Variants in KCNIP4 observed in about 807,000 individuals in gnomAD.
The protein encoded by KCNIP4 is potassium voltage-gated channel interacting protein 4.
Under a neutral mutation model 34.0 loss-of-function variants are expected in KCNIP4, and 12 were observed. The observed-to-expected ratio is 0.35, with a 90% confidence interval of 0.23 to 0.57. The LOEUF is 0.57. Among genes scored for constraint, KCNIP4 ranks in the 20% least tolerant of loss-of-function variants. The pLI is 0.83. For synonymous variants in KCNIP4, 124 were observed against 102.2 expected, an observed-to-expected ratio of 1.21 and a Z score of -1.29; for missense variants, 238 against 311.7, an observed-to-expected ratio of 0.76 and a Z score of 1.78.
chr4:21,138,852 C>A (rs551908544), intron 1 of KCNIP4, among the ~76,000 whole-genome samples: 1 of 152,090 alleles, frequency 6.6e-6, no homozygotes, highest in Non-Finnish European at 1.5e-5. Context: ...GGCAGGAGTG[C>A]GGGCAGCCTG....
intron 1 of KCNIP4, among the ~76,000 whole-genome samples, chr4:21,771,886 C>A (rs1033647142): frequency 1.3e-5 from 2 of 152,124 alleles, no homozygotes; most frequent in Non-Finnish European, 2.9e-5. Context: ...ATATTGACCT[C>A]TTCTCTTCCT....
chr4:21,865,398 G>A (rs150567329), intron 1 of KCNIP4, among the ~76,000 whole-genome samples: 2 of 151,120 alleles, frequency 1.3e-5, no homozygotes, highest in African/African-American at 4.8e-5. Flanking sequence ...GAACAAGACA[G>A]GATAGGACAA....
At chr4:21,307,492 TTTA>T (rs1288777648) in intron 1 of KCNIP4, among the ~76,000 whole-genome samples, 6 of 152,160 alleles carry the variant, frequency 3.9e-5, no homozygotes, top group Non-Finnish European at 7.3e-5. Flanking sequence ...TGTATATTTG[TTTA>T]TTAAGTGTCT....
chr4:20,835,651 G>C (rs1340627543), intron 3 of KCNIP4, among the ~76,000 whole-genome samples: 1 of 151,802 alleles, frequency 6.6e-6, no homozygotes, highest in African/African-American at 2.4e-5. Flanking sequence ...TGTATTTTCA[G>C]CCCCAAACAC....
rs562587671 is a variant in KCNIP4, at chr4:21,479,875, C to T, written c.61+468696G>A. The stretch of plus-strand genomic sequence containing the variant: ...GCCAGTTATTTGAAATTATCAATAA[C>T]AAAAATGAATAGTTTTAGGCACGAG... On this transcript the variant is annotated intron_variant, in intron 1 of 8. Coordinates refer to ENST00000382152, the MANE Select transcript of KCNIP4 (RefSeq NM_025221.6). Among the ~76,000 whole-genome samples the T allele has an allele frequency of 9.9e-5, 15 of 151,350 alleles. No homozygotes were observed. In the East Asian group the frequency reaches 2.9e-3, roughly 29 times the overall value.
intron 1 of KCNIP4, among the ~76,000 whole-genome samples, chr4:21,725,054 T>A (rs7375384): frequency 6.6e-6 from 1 of 151,912 alleles, no homozygotes; most frequent in Non-Finnish European, 1.5e-5. Flanking sequence ...ATTTAATCAG[T>A]CTGACTTTGC....
intron 1 of KCNIP4, among the ~76,000 whole-genome samples, chr4:21,882,860 T>A (rs1726536339): frequency 1.3e-5 from 2 of 152,118 alleles, no homozygotes; most frequent in Admixed American, 6.6e-5. Context: ...AACCAGACAT[T>A]GCCATGTGAG....
chr4:21,912,635 C>T (rs1247612345), intron 1 of KCNIP4, among the ~76,000 whole-genome samples: 1 of 151,980 alleles, frequency 6.6e-6, no homozygotes, highest in Non-Finnish European at 1.5e-5. Flanking sequence ...GATCTGGAAA[C>T]ACAGAATGAG....
intron 1 of KCNIP4, among the ~76,000 whole-genome samples, chr4:20,887,047 T>G (rs1014587074): frequency 4.6e-5 from 7 of 151,918 alleles, no homozygotes; most frequent in Non-Finnish European, 8.8e-5. Flanking sequence ...AAGAAAAAAG[T>G]TCAGAAGAGA....
intron 1 of KCNIP4, among the ~76,000 whole-genome samples, chr4:21,097,408 C>A (rs2109059423): frequency 6.6e-6 from 1 of 152,182 alleles, no homozygotes; most frequent in Non-Finnish European, 1.5e-5. Context: ...GCAGATACCA[C>A]ATTTTTTTTA....
At chr4:20,951,857 G>A (rs1242347673) in intron 1 of KCNIP4, among the ~76,000 whole-genome samples, 1 of 152,146 alleles carries the variant, frequency 6.6e-6, no homozygotes, top group Non-Finnish European at 1.5e-5. Flanking sequence ...GTATTCTAAA[G>A]GGCCCAGGAT....
rs115704079 is a variant in KCNIP4, at chr4:21,298,365, T to C, written c.62-415656A>G. 2.7e-3 allele frequency among the ~76,000 whole-genome samples: 409 copies of C among 152,270 alleles called. 3 individuals are homozygous for C. Among genetic ancestry groups the C allele is most frequent in the Admixed American group, 4.3e-3 (66 of 15,280 alleles). ...TTAATTCAATGCTGGATGCACTTAC[T>C]TCAAAATATTACTCCAATATGGATC... On this transcript the variant is annotated intron_variant, in intron 1 of 8. Coordinates refer to ENST00000382152, the MANE Select transcript of KCNIP4 (RefSeq NM_025221.6).
intron 1 of KCNIP4, among the ~76,000 whole-genome samples, chr4:21,736,254 G>A (rs1715983354): frequency 6.6e-6 from 1 of 152,008 alleles, no homozygotes; most frequent in Non-Finnish European, 1.5e-5. Context: ...GCATGGCCCA[G>A]CCCATCTCAA....
At chr4:21,031,895 T>C (rs563667582) in intron 1 of KCNIP4, among the ~76,000 whole-genome samples, 1 of 152,332 alleles carries the variant, frequency 6.6e-6, no homozygotes, top group Non-Finnish European at 1.5e-5. Context: ...TTAGGAATTT[T>C]GAGCTGTAAG....
intron 1 of KCNIP4, among the ~76,000 whole-genome samples, chr4:21,897,359 T>C (rs1051636111): frequency 2.0e-5 from 3 of 152,198 alleles, no homozygotes; most frequent in Admixed American, 2.0e-4. Flanking sequence ...CCAACTTAAT[T>C]GGCCATGAGA....
intron 1 of KCNIP4, among the ~76,000 whole-genome samples, chr4:21,168,389 A>G (rs919688666): frequency 2.0e-5 from 3 of 152,176 alleles, no homozygotes; most frequent in African/African-American, 4.8e-5. Context: ...CTTGATGGCC[A>G]TAGTTTCCTG....
At position 21,880,096 on chromosome 4, in the gene KCNIP4, G is replaced by A. The variant is rs187861753; in HGVS notation, c.61+68475C>T. 1.7e-4 allele frequency among the ~76,000 whole-genome samples: 26 copies of A among 152,204 alleles called. No homozygotes were observed. In the East Asian group the frequency reaches 4.4e-3, roughly 26 times the overall value. On this transcript the variant is annotated intron_variant, in intron 1 of 8. Transcript: ENST00000382152. ...GTCTCAGGTATGTCTTATTAGCGGC[G>A]TGAGAATGGACTAATACATCTATGT...
intron 1 of KCNIP4, among the ~76,000 whole-genome samples, chr4:20,983,619 C>A (rs1348443539): frequency 6.6e-6 from 1 of 152,086 alleles, no homozygotes; most frequent in Non-Finnish European, 1.5e-5. Flanking sequence ...GATAATGGTA[C>A]AATATCCCTT....
intron 1 of KCNIP4, among the ~76,000 whole-genome samples, chr4:21,436,726 A>G (rs1257617312): frequency 1.3e-5 from 2 of 152,186 alleles, no homozygotes; most frequent in Admixed American, 1.3e-4. Context: ...TGAAGATTCT[A>G]AAGAGAGTTC....
Sources: allele counts gnomAD v4.1 joint callset (sites outside exome capture counted in the v4.1 genomes callset), GRCh38; gene constraint gnomAD v4.1.1; transcripts MANE v1.5; gene names NCBI Gene and HGNC (gene_info 2026-07-23, HGNC 2026-07-21).